Variants in CCDC13 observed in about 807,000 individuals in gnomAD.
CCDC13 encodes the protein coiled-coil domain containing 13.
CCDC13 carries 70 observed loss-of-function variants against 87.3 expected under a neutral mutation model. The ratio of observed to expected loss-of-function variants is 0.80; its 90% confidence interval spans 0.66 to 0.98. The LOEUF (loss-of-function observed/expected upper bound fraction) is 0.98. Ranked by LOEUF, CCDC13 falls within the 50% of genes least tolerant of loss-of-function variation. The probability of loss-of-function intolerance (pLI) is 0.00; values close to 1 mark genes in which losing one functional copy is unlikely to be tolerated. For missense variants in CCDC13, 842 were observed against 892.0 expected (o/e 0.94, Z 0.71); for synonymous variants, 317 against 360.3 (o/e 0.88, Z 1.36).
intron 13 of CCDC13, 45 bp downstream of exon 13, chr3:42,730,422 C>A: frequency 3.8e-6 from 6 of 1,595,478 alleles, no homozygotes; most frequent in Non-Finnish European, 5.1e-6. Flanking sequence ...CCAGTCCCCA[C>A]CACATGCAGG....
intron 13 of CCDC13, among the ~76,000 whole-genome samples, chr3:42,724,245 C>T (rs1483911463): frequency 3.9e-5 from 6 of 152,232 alleles, no homozygotes; most frequent in Admixed American, 2.6e-4. Context: ...TCCCCTATAA[C>T]GTGCCTTCCA....
chr3:42,726,410 A>C (rs1471598870), intron 13 of CCDC13, among the ~76,000 whole-genome samples: 1 of 152,210 alleles, frequency 6.6e-6, no homozygotes, highest in Non-Finnish European at 1.5e-5. Flanking sequence ...AGCACAACTG[A>C]AGATATTTAG....
chr3:42,725,791 G>A (rs28508577), intron 13 of CCDC13, among the ~76,000 whole-genome samples: 1,663 of 151,830 alleles, frequency 0.011, 35 homozygotes, highest in African/African-American at 0.038. Context: ...ACAGAAACAC[G>A]GTCATCACCT....
chr3:42,721,971 C>A (rs1698574189), intron 13 of CCDC13, among the ~76,000 whole-genome samples: 1 of 152,208 alleles, frequency 6.6e-6, no homozygotes, highest in African/African-American at 2.4e-5. Context: ...AACCCCATAT[C>A]AGCTTGGTTC....
At chr3:42,752,478 C>G in intron 4 of CCDC13, 97 bp downstream of exon 4, 1 of 1,499,516 alleles carries the variant, frequency 6.7e-7, no homozygotes, top group African/African-American at 1.4e-5. Flanking sequence ...AACCTTCCAA[C>G]TTCAGCTCTC....
At chr3:42,772,666 A>T (rs1227708026) in intron 1 of CCDC13, among the ~76,000 whole-genome samples, 1 of 151,916 alleles carries the variant, frequency 6.6e-6, no homozygotes, top group Non-Finnish European at 1.5e-5. Flanking sequence ...TGGGTTTGGG[A>T]TGGGAGCGGG....
At chr3:42,759,086 C>T (rs1699772116) in intron 1 of CCDC13, among the ~76,000 whole-genome samples, 1 of 152,104 alleles carries the variant, frequency 6.6e-6, no homozygotes. Flanking sequence ...TTTGGGAGGC[C>T]AAGGTGAGTA....
chr3:42,750,987 A>T, intron 5 of CCDC13, among the ~76,000 whole-genome samples: 1 of 152,196 alleles, frequency 6.6e-6, no homozygotes, highest in East Asian at 1.9e-4. Flanking sequence ...TTCCCCAGCA[A>T]TGAGACAGGT....
intron 13 of CCDC13, among the ~76,000 whole-genome samples, chr3:42,726,507 A>C (rs974277598): frequency 6.6e-6 from 1 of 152,228 alleles, no homozygotes; most frequent in Non-Finnish European, 1.5e-5. Flanking sequence ...GAATAAGTCT[A>C]ACATATATGG....
chr3:42,722,923 T>C (rs200401453), intron 13 of CCDC13, among the ~76,000 whole-genome samples: 1 of 151,116 alleles, frequency 6.6e-6, no homozygotes, highest in Admixed American at 6.6e-5. Context: ...CAGCCTCCCG[T>C]GTAGCTGGGA....
chr3:42,746,534 C>T, intron 6 of CCDC13: 1 of 165,884 alleles, frequency 6.0e-6, no homozygotes, highest in Non-Finnish European at 1.3e-5. Flanking sequence ...TGTTGAAGTG[C>T]AGCACTCAGG....
chr3:42,733,089 G>T, intron 11 of CCDC13, 119 bp from the exon 12 acceptor site: 1 of 771,316 alleles, frequency 1.3e-6, no homozygotes, highest in Non-Finnish European at 2.1e-6. Context: ...CCTTGCAGCA[G>T]TCCTGTGGAT....
intron 1 of CCDC13, among the ~76,000 whole-genome samples, chr3:42,767,765 A>C (rs1209289630): frequency 6.6e-6 from 1 of 152,160 alleles, no homozygotes; most frequent in Non-Finnish European, 1.5e-5. Flanking sequence ...ACCTGAGGTC[A>C]GGAGTTCAAG....
intron 14 of CCDC13, among the ~76,000 whole-genome samples, chr3:42,711,087 A>C (rs1419469552): frequency 6.6e-6 from 1 of 152,064 alleles, no homozygotes; most frequent in Non-Finnish European, 1.5e-5. Flanking sequence ...CATTACTAAA[A>C]ATACATAAAT....
chr3:42,711,058 C>T (rs1698297861), intron 14 of CCDC13, among the ~76,000 whole-genome samples: 1 of 151,998 alleles, frequency 6.6e-6, no homozygotes, highest in Non-Finnish European at 1.5e-5. Flanking sequence ...CCAGCCCGGC[C>T]AACATGGTAA....
At chr3:42,743,584 A>ATT (rs1699292384) in intron 7 of CCDC13, among the ~76,000 whole-genome samples, 1 of 74,208 alleles carries the variant, frequency 1.3e-5, no homozygotes, top group African/African-American at 7.1e-5. Context: ...TGCCTGGATA[A>ATT]TTTTATATAT....
At chr3:42,741,934 G>A (rs1434303805) in intron 8 of CCDC13, among the ~76,000 whole-genome samples, 1 of 152,202 alleles carries the variant, frequency 6.6e-6, no homozygotes. Flanking sequence ...GCCTAACCCA[G>A]CGTTGGTGCT....
chr3:42,739,498 C>T (rs1326308626), intron 9 of CCDC13, 136 bp downstream of exon 9: 2 of 951,946 alleles, frequency 2.1e-6, no homozygotes, highest in Non-Finnish European at 3.1e-6. Flanking sequence ...TACTGGGGGC[C>T]ATCTGGAGGC....
intron 8 of CCDC13, chr3:42,741,194 A>G (rs1699204449): frequency 6.6e-6 from 1 of 152,022 alleles, no homozygotes; most frequent in Non-Finnish European, 1.5e-5. Flanking sequence ...TACTCCCTAG[A>G]AGTCCTTTAT....
Sources: allele counts gnomAD v4.1 joint callset (sites outside exome capture counted in the v4.1 genomes callset), GRCh38; gene constraint gnomAD v4.1.1; transcripts MANE v1.5; gene names NCBI Gene and HGNC (gene_info 2026-07-23, HGNC 2026-07-21).